Variants in SLC5A10 observed in about 807,000 individuals in gnomAD.
SLC5A10 encodes solute carrier family 5 member 10.
Under a neutral mutation model 68.9 loss-of-function variants are expected in SLC5A10, and 55 were observed. The ratio of observed to expected loss-of-function variants is 0.80; its 90% CI spans 0.64 to 1.00. The LOEUF (loss-of-function observed/expected upper bound fraction) is 1.00. Ranked by LOEUF, SLC5A10 falls within the 50% of genes least tolerant of loss-of-function variation. The pLI is 0.00. For missense variants in SLC5A10, 732 were observed against 819.3 expected (o/e 0.89, Z 1.30); for synonymous variants, 344 against 344.8 (o/e 1.00, Z 0.02).
At chr17:18,953,552 C>G (rs982367224) in intron 1 of SLC5A10, 4 of 152,774 alleles carry the variant, frequency 2.6e-5, no homozygotes, top group African/African-American at 9.6e-5. Flanking sequence ...TATGGAGACA[C>G]CACCTACCTG....
Position 18,971,526 on chromosome 17 carries a change from G to C in SLC5A10, c.846+308G>C. ...TCGGTGGCCCTGCCATCGGTCATGG[G>C]GCGGGCATTTTGGGCCAGTCTTGGG... On this transcript the variant is annotated intron_variant, in intron 8 of 14. Transcript: ENST00000395645. This position sits in a 1 kb window ranked among gnomAD's most constrained non-coding sequence, Gnocchi z 5.5. 6.2e-7 allele frequency: 1 copy of C among 1,614,050 alleles called. No individual in the cohort carries two copies. Among genetic ancestry groups the C allele is most frequent in the Non-Finnish European group, 8.5e-7 (1 of 1,180,044 alleles).
chr17:18,988,155 C>G, intron 9 of SLC5A10: 3 of 1,519,728 alleles, frequency 2.0e-6, no homozygotes, highest in Non-Finnish European at 2.7e-6. Flanking sequence ...GCACAGGACT[C>G]CGTCCAGAGC....
chr17:19,019,655 G>C (rs72836758), intron 12 of SLC5A10, 58 bp from the exon 13 acceptor site: 34 of 1,601,812 alleles, frequency 2.1e-5, no homozygotes, highest in East Asian at 1.6e-4. Flanking sequence ...TGCTGCCTGT[G>C]GGGGGAGCCT....
intron 9 of SLC5A10, among the ~76,000 whole-genome samples, chr17:19,002,266 G>C (rs945627610): frequency 4.6e-5 from 7 of 152,242 alleles, no homozygotes; most frequent in Non-Finnish European, 8.8e-5. Context: ...GGGTCAGTCA[G>C]TGAATTGAGA....
At chr17:18,972,742 G>A (rs1295402836) in intron 8 of SLC5A10, among the ~76,000 whole-genome samples, 1 of 152,000 alleles carries the variant, frequency 6.6e-6, no homozygotes, top group Non-Finnish European at 1.5e-5. Flanking sequence ...GGCGCCTGTA[G>A]TCCCAGCTAC....
At position 18,996,390 on chromosome 17, in the gene SLC5A10, G is replaced by A. The variant is rs2043573786; in HGVS notation, c.983-17020G>A. Among the ~76,000 whole-genome samples, 1 of 152,110 alleles carries A rather than the reference G, an allele frequency of 6.6e-6. No individual in the cohort carries two copies. The highest frequency in any genetic ancestry group is 1.5e-5 in the Non-Finnish European group (1 of 68,022). On this transcript the variant is annotated intron_variant, in intron 9 of 14. Transcript: ENST00000395645. The surrounding 1 kb of genome is among the most constrained non-coding windows in gnomAD (Gnocchi z 4.4). ...CCTCCTCCCCTCCAGGGGGCTGGCA[G>A]AATTAGTGACATGCCATCTGAAGAG...
At chr17:19,005,023 C>T (rs1480500802) in intron 9 of SLC5A10, among the ~76,000 whole-genome samples, 2 of 152,214 alleles carry the variant, frequency 1.3e-5, no homozygotes, top group Non-Finnish European at 2.9e-5. Flanking sequence ...GGTCAACAGC[C>T]TTGGCACCCC....
At chr17:18,980,345 G>A (rs1597853917) in intron 9 of SLC5A10, among the ~76,000 whole-genome samples, 1 of 152,130 alleles carries the variant, frequency 6.6e-6, no homozygotes, top group East Asian at 1.9e-4. Context: ...TTCTGTGCCG[G>A]CTTACACTGT....
At chr17:18,975,676 C>T (rs916000039) in intron 8 of SLC5A10, 7 of 151,886 alleles carry the variant, frequency 4.6e-5, no homozygotes, top group East Asian at 1.9e-4. Flanking sequence ...GCCTGGGCAA[C>T]AAGAGTGAAA....
intron 7 of SLC5A10, chr17:18,970,671 G>C (rs564323650): frequency 3.2e-6 from 1 of 315,578 alleles, no homozygotes; most frequent in Non-Finnish European, 5.9e-6. Flanking sequence ...TCCTTGAATC[G>C]ACAATCGGAA....
At chr17:18,998,473 TATG>T (rs986923775) in intron 9 of SLC5A10, among the ~76,000 whole-genome samples, 14 of 152,310 alleles carry the variant, frequency 9.2e-5, no homozygotes, top group African/African-American at 3.4e-4. Flanking sequence ...GGTGTAACCT[TATG>T]AAGGCCCCAG....
chr17:18,979,730 G>A (rs758994600), intron 9 of SLC5A10: 10 of 1,599,264 alleles, frequency 6.3e-6, no homozygotes, highest in Non-Finnish European at 8.5e-6. Flanking sequence ...CACACAGGGC[G>A]AGGGGAGGAC....
At chr17:18,979,281 C>G in intron 9 of SLC5A10, 1 of 512,864 alleles carries the variant, frequency 1.9e-6, no homozygotes, top group East Asian at 3.5e-5. Flanking sequence ...CTCAGAGTGA[C>G]CCCCATAGGC....
chr17:18,986,329 T>C (rs575679563), intron 9 of SLC5A10: 9 of 152,358 alleles, frequency 5.9e-5, no homozygotes, highest in African/African-American at 1.4e-4. Flanking sequence ...AGTTCATCCT[T>C]TGATGCTCTG....
intron 1 of SLC5A10, among the ~76,000 whole-genome samples, chr17:18,955,655 G>A (rs974060856): frequency 1.3e-5 from 2 of 152,256 alleles, no homozygotes; most frequent in Non-Finnish European, 2.9e-5. Flanking sequence ...ATCTGGATAT[G>A]GCCATCCTGG....
intron 9 of SLC5A10, among the ~76,000 whole-genome samples, chr17:19,006,419 T>G (rs1006089527): frequency 1.1e-4 from 17 of 149,208 alleles, no homozygotes; most frequent in African/African-American, 3.9e-4. Context: ...TTTTTTTTTT[T>G]GTAGAGACAA....
At chr17:18,981,012 C>T (rs2043118064) in intron 9 of SLC5A10, among the ~76,000 whole-genome samples, 1 of 152,174 alleles carries the variant, frequency 6.6e-6, no homozygotes, top group Non-Finnish European at 1.5e-5. Context: ...GGTCTGTCCC[C>T]TCACCCACTC....
intron 7 of SLC5A10, 160 bp downstream of exon 7, chr17:18,969,582 C>T (rs1190483018): frequency 8.2e-6 from 5 of 612,600 alleles, no homozygotes; most frequent in Non-Finnish European, 1.4e-5. Context: ...GCAGTCAGCC[C>T]CCCTGCTGGC....
Position 18,971,705 on chromosome 17 carries a change from C to T in SLC5A10, c.846+487C>T. The T allele has an allele frequency of 1.7e-5, 28 of 1,601,454 alleles. No homozygotes were observed. The highest frequency in any genetic ancestry group is 2.4e-5 in the Non-Finnish European group (28 of 1,171,926). ...GGGTCCTGGGAAGCCGTCTTTATCC[C>T]TAGTCCCTGAGGCAGGGACCCTGTG... On this transcript the variant is annotated intron_variant, in intron 8 of 14. Transcript: ENST00000395645. The surrounding 1 kb of genome is among the most constrained non-coding windows in gnomAD (Gnocchi z 5.5).
Sources: allele counts gnomAD v4.1 joint callset (sites outside exome capture counted in the v4.1 genomes callset), GRCh38; gene constraint gnomAD v4.1.1; non-coding constraint Gnocchi (gnomAD v3.1); transcripts MANE v1.5; gene names NCBI Gene and HGNC (gene_info 2026-07-23, HGNC 2026-07-21).